The following DGKI variants were observed in gnomAD, a reference collection of about 807,000 sequenced individuals.
DGKI encodes diacylglycerol kinase iota.
A neutral mutation model predicts 147.5 loss-of-function variants in DGKI; 55 were observed. The observed-to-expected ratio is 0.37, with a 90% CI of 0.30 to 0.47. The LOEUF is 0.47. DGKI is among the 20% of genes least tolerant of loss of function. The pLI is 1.00. For missense variants in DGKI, 1,007 were observed against 1,323.8 expected, an observed-to-expected ratio of 0.76 and a Z score of 3.71; for synonymous variants, 469 against 477.1, an observed-to-expected ratio of 0.98 and a Z score of 0.22.
intron 1 of DGKI, among the ~76,000 whole-genome samples, chr7:137,711,620 G>A (rs1344534162): frequency 1.3e-5 from 2 of 149,106 alleles, no homozygotes; most frequent in Non-Finnish European, 1.5e-5. Flanking sequence ...CAGACTGCCT[G>A]AACTGGAATT....
chr7:137,517,514 A>G lies in DGKI; in HGVS notation c.2248+4352T>C, dbSNP rs531272721. On this transcript the variant is annotated intron_variant, in intron 21 of 32. Coordinates refer to ENST00000614521, the MANE Select transcript of DGKI (RefSeq NM_001321708.2). ...AACTCAATGCAATATGGTATCCTAG[A>G]TTTGATCCTGGGATAGAAATTCCAA... is the stretch of plus-strand genomic sequence containing the variant. Among the ~76,000 whole-genome samples, 18 of 152,220 alleles carry G rather than the reference A, an allele frequency of 1.2e-4. No homozygotes were observed. The South Asian group carries it at 3.7e-3, about 32-fold the overall frequency.
chr7:137,626,101 G>T (rs1042480381), intron 6 of DGKI, among the ~76,000 whole-genome samples: 2 of 152,106 alleles, frequency 1.3e-5, no homozygotes, highest in African/African-American at 2.4e-5. Context: ...TTTGTGCCAT[G>T]AGCCCTTCCC....
intron 7 of DGKI, among the ~76,000 whole-genome samples, chr7:137,621,046 C>T (rs919200756): frequency 6.6e-6 from 1 of 152,246 alleles, no homozygotes; most frequent in African/African-American, 2.4e-5. Flanking sequence ...GCAAATATGT[C>T]CACCCTAATT....
At chr7:137,469,409 G>A (rs1563037591) in intron 24 of DGKI, 141 bp downstream of exon 24, 10 of 743,272 alleles carry the variant, frequency 1.3e-5, no homozygotes, top group Middle Eastern at 3.9e-4. Flanking sequence ...ACATTGTTCC[G>A]CATGCCAATA....
intron 23 of DGKI, among the ~76,000 whole-genome samples, chr7:137,470,762 A>T (rs2128928550): frequency 6.6e-6 from 1 of 151,428 alleles, no homozygotes; most frequent in East Asian, 2.0e-4. Flanking sequence ...GCCCTTCCAA[A>T]CTCCTGAAGC....
At chr7:137,709,288 G>A (rs1465110925) in intron 1 of DGKI, among the ~76,000 whole-genome samples, 2 of 152,186 alleles carry the variant, frequency 1.3e-5, no homozygotes, top group African/African-American at 4.8e-5. Context: ...TGGGTACTGG[G>A]AGTCACAGAG....
intron 27 of DGKI, among the ~76,000 whole-genome samples, chr7:137,460,066 G>A (rs1460166897): frequency 6.6e-6 from 1 of 152,090 alleles, no homozygotes; most frequent in Admixed American, 6.5e-5. Context: ...TTTATATAGT[G>A]AGTTATTTAG....
intron 14 of DGKI, among the ~76,000 whole-genome samples, chr7:137,583,381 T>C (rs1374237531): frequency 6.6e-6 from 1 of 152,198 alleles, no homozygotes; most frequent in African/African-American, 2.4e-5. Flanking sequence ...CATGGGTTGG[T>C]GATCCTGCCA....
intron 21 of DGKI, among the ~76,000 whole-genome samples, chr7:137,497,574 A>G (rs989284046): frequency 5.9e-5 from 9 of 152,176 alleles, no homozygotes; most frequent in African/African-American, 2.2e-4. Context: ...GATAAAGAAA[A>G]TGTGGGACAT....
In DGKI at chr7:137,619,906, T is replaced by C. The variant is rs368149265; in HGVS notation, c.911A>G (p.His304Arg). Reference protein sequence around the residue: ...HNKVTCFMLHHIEEPCSLGAH... With the variant: ...HNKVTCFMLHRIEEPCSLGAH... Reference sequence around the variant, plus strand: ...CCCCAGGGAGCAGGGTTCTTCAATGTGATGCAGCATGAAGCAGGTCACCTT... The same window carrying C: ...CCCCAGGGAGCAGGGTTCTTCAATGCGATGCAGCATGAAGCAGGTCACCTT... The change falls in exon 8 of 33, where the codon CAC becomes CGC. Residue 304 changes from histidine (H) to arginine (R), a missense_variant. Physicochemically the swap from His to Arg is conservative, Grantham distance 29 (BLOSUM62 0). Transcript: ENST00000614521. The C allele has an allele frequency of 1.9e-6, 3 of 1,613,990 alleles. No individual in the cohort carries two copies. The African/African-American group carries it at 4.0e-5, about 22-fold the overall frequency.
intron 28 of DGKI, among the ~76,000 whole-genome samples, chr7:137,424,250 G>C (rs572280173): frequency 2.0e-5 from 3 of 152,194 alleles, no homozygotes; most frequent in Admixed American, 2.0e-4. Flanking sequence ...ACATTAATTT[G>C]AAATAGAATA....
In DGKI at chr7:137,465,935, G is replaced by A; in HGVS notation, c.2585C>T (p.Pro862Leu). 6.2e-7 allele frequency: 1 copy of A among 1,614,100 alleles called. No homozygotes were observed. The highest frequency in any genetic ancestry group is 1.1e-5 in the South Asian group (1 of 91,064). Residue 862 changes from proline to leucine, a missense_variant, in exon 26 of 33, where the codon CCT (proline) becomes CTT (leucine). By Grantham distance (98) the Pro-to-Leu change is moderately conservative. This residue lies in a region of DGKI where 385 missense variants were observed against 445.2 expected (regional missense o/e 0.86). Coordinates refer to ENST00000614521, the MANE Select transcript of DGKI (RefSeq NM_001321708.2). ...CGAGGCTTGTTCCACCACCAGGTCA[G>A]GCATGCCCGGAGGTGTCCCCGCCGG... is the stretch of plus-strand genomic sequence containing the variant. The part of the protein sequence containing the change: ...SQPAGTPPGM[P>L]DLVVEQASGI...
rs567239966 is a variant in DGKI at position 137,712,015 on chromosome 7, T to A, written c.402-22013A>T. Among the ~76,000 whole-genome samples, 20 of 152,240 alleles carry A rather than the reference T, an allele frequency of 1.3e-4. No individual in the cohort carries two copies. The South Asian group carries it at 3.1e-3, about 24-fold the overall frequency. On this transcript the variant is annotated intron_variant, in intron 1 of 32. Transcript: ENST00000614521. Reference sequence around the variant, plus strand: ...GCTGGGGATACCTGCTTCTGAGGATTGCTTTTGAGTTAAATGAATGTATGG... The same window carrying A: ...GCTGGGGATACCTGCTTCTGAGGATAGCTTTTGAGTTAAATGAATGTATGG...
chr7:137,420,284 C>T lies in DGKI; in HGVS notation c.2762-8077G>A, dbSNP rs183533324. Among the ~76,000 whole-genome samples, 25 of 152,242 alleles carry T rather than the reference C, an allele frequency of 1.6e-4. No individual in the cohort carries two copies. The East Asian group carries it at 3.7e-3, about 22-fold the overall frequency. On this transcript the variant is annotated intron_variant, in intron 28 of 32. Coordinates refer to ENST00000614521, the MANE Select transcript of DGKI (RefSeq NM_001321708.2). ...TCATTCCTGCTGAAGTCCACGTTTG[C>T]GCATATACAAGGAGAGAGAGCGTAG...
chr7:137,547,437 C>G (rs905419253), intron 20 of DGKI, among the ~76,000 whole-genome samples: 11 of 152,176 alleles, frequency 7.2e-5, no homozygotes, highest in African/African-American at 2.7e-4. Context: ...AACTATTTCT[C>G]ATGGAAATTC....
At chr7:137,805,007 G>A (rs1585514444) in intron 1 of DGKI, among the ~76,000 whole-genome samples, 1 of 152,034 alleles carries the variant, frequency 6.6e-6, no homozygotes, top group East Asian at 1.9e-4. Flanking sequence ...GAAGCAGCTG[G>A]GCTGCTTATT....
intron 28 of DGKI, among the ~76,000 whole-genome samples, chr7:137,424,302 G>A (rs561076169): frequency 1.7e-4 from 26 of 152,230 alleles, no homozygotes; most frequent in African/African-American, 6.0e-4. Context: ...ATTTATTAAA[G>A]ATCAAATTTT....
At chr7:137,598,330 T>C (rs1224161291) in intron 11 of DGKI, among the ~76,000 whole-genome samples, 1 of 152,186 alleles carries the variant, frequency 6.6e-6, no homozygotes, top group Non-Finnish European at 1.5e-5. Flanking sequence ...ATTTATTAGT[T>C]TTCCCTGGAT....
chr7:137,823,035 G>A (rs1346123664), intron 1 of DGKI, among the ~76,000 whole-genome samples: 2 of 150,862 alleles, frequency 1.3e-5, no homozygotes, highest in African/African-American at 4.9e-5. Context: ...GTAAATTGGG[G>A]AGGAGGAAAA....
Sources: allele counts gnomAD v4.1 joint callset (sites outside exome capture counted in the v4.1 genomes callset), GRCh38; gene constraint gnomAD v4.1.1; regional missense constraint gnomAD v4.1.1; transcripts MANE v1.5; gene names NCBI Gene and HGNC (gene_info 2026-07-23, HGNC 2026-07-21).